NXPE4: variants seen among roughly 807,000 people sequenced by gnomAD.
NXPE4 encodes neurexophilin and PC-esterase domain family member 4.
In NXPE4, 42 loss-of-function variants were observed where a neutral mutation model predicts 33.3. The ratio of observed to expected loss-of-function variants is 1.26; its 90% confidence interval spans 0.98 to 1.63. The LOEUF is 1.63. Among genes scored for constraint, NXPE4 ranks in the 40% most tolerant of loss-of-function variants. NXPE4 has a pLI of 0.00. For synonymous variants in NXPE4, 253 were observed against 234.9 expected, an observed-to-expected ratio of 1.08 and a Z score of -0.71; for missense variants, 709 against 647.6, an observed-to-expected ratio of 1.09 and a Z score of -1.03.
At chr11:114,625,160 G>A in the NXPE4 span, among the ~76,000 whole-genome samples, 4 of 152,200 alleles carry the variant, frequency 2.6e-5, no homozygotes, top group Admixed American at 6.5e-5. Flanking sequence ...TTGCCTTGTG[G>A]GTAACCACTG....
Position 114,582,479 on chromosome 11 carries a change from G to T in NXPE4, c.639C>A (p.Ser213=). Residue 213 remains serine, a synonymous_variant, in exon 3 of 6, where the codon TCC becomes TCA. Transcript: ENST00000375478. The stretch of plus-strand genomic sequence containing the variant: ...TCAGGCCACATTCAGAGTGGACTTG[G>T]GAAGTGCCATTGACAAACTGGCCAG... The part of the protein sequence containing the change: ...IFTGQFVNGT[S]QVHSECGLIL... 1 of 1,614,124 alleles carries T rather than the reference G, an allele frequency of 6.2e-7. No homozygotes were observed. Among genetic ancestry groups the T allele is most frequent in the African/African-American group, 1.3e-5 (1 of 75,042 alleles).
At chr11:114,638,780 A>G in the NXPE4 span, among the ~76,000 whole-genome samples, 1 of 151,542 alleles carries the variant, frequency 6.6e-6, no homozygotes, top group African/African-American at 2.4e-5. Flanking sequence ...AGAACAGCGG[A>G]TTTTCGTGAA....
chr11:114,659,641 A>G, the NXPE4 span, among the ~76,000 whole-genome samples: 1 of 152,156 alleles, frequency 6.6e-6, no homozygotes, highest in African/African-American at 2.4e-5. Context: ...ATATGAAAAT[A>G]ATATATCAAA....
chr11:114,572,881 C>T (rs187958938), intron 5 of NXPE4, among the ~76,000 whole-genome samples: 2 of 152,256 alleles, frequency 1.3e-5, no homozygotes, highest in Admixed American at 1.3e-4. Flanking sequence ...AAATTCATCA[C>T]AGAAAGATCA....
At chr11:114,641,363 A>G in the NXPE4 span, among the ~76,000 whole-genome samples, 3 of 152,218 alleles carry the variant, frequency 2.0e-5, no homozygotes, top group South Asian at 6.2e-4. Context: ...AAACCCAAAA[A>G]TAGACTACAT....
the NXPE4 span, among the ~76,000 whole-genome samples, chr11:114,621,764 G>T: frequency 6.6e-6 from 1 of 152,000 alleles, no homozygotes; most frequent in South Asian, 2.1e-4. Flanking sequence ...AATAGGTATT[G>T]CCTCATGGGT....
the NXPE4 span, among the ~76,000 whole-genome samples, chr11:114,621,644 T>TG: frequency 6.6e-6 from 1 of 152,298 alleles, no homozygotes; most frequent in African/African-American, 2.4e-5. Flanking sequence ...TATTGCCTTG[T>TG]GGGTTACCAC....
At chr11:114,615,617 G>T in the NXPE4 span, among the ~76,000 whole-genome samples, 392 of 144,678 alleles carry the variant, frequency 2.7e-3, 16 homozygotes, top group African/African-American at 9.9e-3. Context: ...GTAACCACTG[G>T]TACCTGGTGG....
At chr11:114,645,685 C>T in the NXPE4 span, among the ~76,000 whole-genome samples, 1 of 151,422 alleles carries the variant, frequency 6.6e-6, no homozygotes. Context: ...GAAAGAAAAC[C>T]CAAAAGAAAA....
At chr11:114,596,027 CTGA>C (rs1949567473), upstream of NXPE4, among the ~76,000 whole-genome samples, 1 of 152,062 alleles carries the variant, frequency 6.6e-6, no homozygotes, top group South Asian at 2.1e-4. Context: ...CAATAAATAA[CTGA>C]TGAGAAAAAG....
the NXPE4 span, among the ~76,000 whole-genome samples, chr11:114,609,208 C>A: frequency 2.0e-5 from 3 of 146,850 alleles, no homozygotes; most frequent in South Asian, 6.5e-4. Context: ...CATTACCCAC[C>A]AGATACTGAG....
the NXPE4 span, among the ~76,000 whole-genome samples, chr11:114,634,805 T>C: frequency 1.3e-5 from 2 of 152,066 alleles, no homozygotes; most frequent in African/African-American, 4.8e-5. Context: ...AGGGCTCTGT[T>C]CTGTTCCATT....
chr11:114,663,718 TCTACCTAC>T, the NXPE4 span, among the ~76,000 whole-genome samples: 2 of 117,766 alleles, frequency 1.7e-5, no homozygotes, highest in Non-Finnish European at 3.7e-5. Flanking sequence ...ATCTATCTGA[TCTACCTAC>T]CTATCTATTG....
the NXPE4 span, among the ~76,000 whole-genome samples, chr11:114,605,076 T>C: frequency 6.6e-6 from 1 of 151,978 alleles, no homozygotes; most frequent in Non-Finnish European, 1.5e-5. Flanking sequence ...ACCCAGTGGA[T>C]AATAAATATT....
chr11:114,661,065 A>C, the NXPE4 span, among the ~76,000 whole-genome samples: 10 of 152,304 alleles, frequency 6.6e-5, no homozygotes, highest in Non-Finnish European at 1.0e-4. Context: ...AATACACAAG[A>C]TCTATATACT....
the NXPE4 span, among the ~76,000 whole-genome samples, chr11:114,635,171 T>G: frequency 1.5e-4 from 22 of 150,292 alleles, no homozygotes; most frequent in Admixed American, 1.4e-3. Context: ...CCTTGAAGAG[T>G]TCCTTCACGT....
At chr11:114,607,536 C>T in the NXPE4 span, among the ~76,000 whole-genome samples, 13 of 151,886 alleles carry the variant, frequency 8.6e-5, no homozygotes, top group East Asian at 1.9e-4. Flanking sequence ...CACTGTTACC[C>T]GGTAGATAAT....
At chr11:114,636,935 T>A in the NXPE4 span, among the ~76,000 whole-genome samples, 11 of 151,128 alleles carry the variant, frequency 7.3e-5, no homozygotes, top group African/African-American at 2.4e-4. Context: ...AAAATGTATA[T>A]TCTGTTGATT....
chr11:114,667,014 C>A, the NXPE4 span, among the ~76,000 whole-genome samples: 1 of 152,104 alleles, frequency 6.6e-6, no homozygotes, highest in African/African-American at 2.4e-5. Flanking sequence ...CAACATCTAA[C>A]GTCCTCACTT....
Sources: gnomAD v4.1 joint callset for allele counts (sites outside exome capture counted in the v4.1 genomes callset) on GRCh38, gnomAD v4.1.1 for gene constraint, MANE v1.5 for transcripts, NCBI Gene and HGNC (gene_info 2026-07-23, HGNC 2026-07-21) for gene names.